The following FCHSD2 variants were observed in gnomAD, a reference collection of about 807,000 sequenced individuals.
FCHSD2 encodes FCH and double SH3 domains 2, also known as F-BAR and double SH3 domains protein 2.
Under a neutral mutation model 108.1 loss-of-function variants are expected in FCHSD2, and 38 were observed. The ratio of observed to expected loss-of-function variants is 0.35; its 90% CI spans 0.27 to 0.46. The LOEUF is 0.46. FCHSD2 is among the 20% of genes least tolerant of loss of function. The pLI is 1.00. For missense variants in FCHSD2, 751 were observed against 897.8 expected (o/e 0.84, Z 2.09); for synonymous variants, 279 against 314.7 (o/e 0.89, Z 1.20).
At chr11:72,886,700 T>C (rs1855206180) in intron 12 of FCHSD2, among the ~76,000 whole-genome samples, 1 of 152,182 alleles carries the variant, frequency 6.6e-6, no homozygotes, top group Admixed American at 6.5e-5. Flanking sequence ...GTTTACTTAC[T>C]TTCTACCACA....
At position 73,140,020 on chromosome 11, in the gene FCHSD2, T is replaced by C. The variant is rs1197809342; in HGVS notation, c.119+11A>G. 6 of 1,472,076 alleles carry C rather than the reference T, an allele frequency of 4.1e-6. No homozygotes were observed. The highest frequency in any genetic ancestry group is 3.7e-6 in the Non-Finnish European group (4 of 1,087,208). 91.2% of individuals were successfully genotyped at this position (1,472,076 alleles called of 1,614,324 possible). ...AAACAGAAGTCCTTGAACTATTTAC[T>C]ATAGCCTTACCTCATATCTTCAAGC... On this transcript the variant is annotated intron_variant, in intron 2 of 19. Coordinates refer to ENST00000409418, the MANE Select transcript of FCHSD2 (RefSeq NM_014824.3).
intron 2 of FCHSD2, among the ~76,000 whole-genome samples, chr11:73,087,068 G>T (rs890122344): frequency 1.3e-5 from 2 of 152,276 alleles, no homozygotes; most frequent in Middle Eastern, 6.8e-3. Context: ...TATCATAGGA[G>T]ATGACAGCTC....
intron 2 of FCHSD2, among the ~76,000 whole-genome samples, chr11:73,105,831 A>G (rs1203443596): frequency 6.6e-6 from 1 of 152,228 alleles, no homozygotes; most frequent in Non-Finnish European, 1.5e-5. Context: ...GGCAGAATTA[A>G]CCATAATATT....
intron 3 of FCHSD2, among the ~76,000 whole-genome samples, chr11:73,077,309 T>C (rs1859582103): frequency 6.6e-6 from 1 of 151,794 alleles, no homozygotes. Flanking sequence ...CACATGAAAA[T>C]GATGCTTAGC....
chr11:72,939,672 G>A (rs1856376785), intron 8 of FCHSD2, among the ~76,000 whole-genome samples: 1 of 131,342 alleles, frequency 7.6e-6, no homozygotes, highest in Admixed American at 9.1e-5. Flanking sequence ...AGGCTGGAGT[G>A]CAGTGGTACA....
intron 13 of FCHSD2, among the ~76,000 whole-genome samples, chr11:72,860,569 G>A (rs1161141554): frequency 2.0e-5 from 3 of 152,152 alleles, no homozygotes; most frequent in African/African-American, 7.2e-5. Flanking sequence ...TAGAGGCCAG[G>A]TGCAGTGGCT....
Position 72,887,551 on chromosome 11 carries a change from A to G in FCHSD2, c.1065T>C (p.His355=), listed in dbSNP as rs111394825. 1.3e-6 allele frequency: 2 copies of G among 1,591,570 alleles called. No individual in the cohort carries two copies. The highest frequency in any genetic ancestry group is 2.7e-5 in the African/African-American group (2 of 73,572). ...QQRVLNDLEC[H]GAAVSEQSRA... is the part of the protein sequence containing the mutation. ...GGCTTTGTTCTGATACAGCAGCTCC[A>G]TGACACTCCAGATCATTTAGAACCT... The change falls in exon 12 of 20, where the codon CAT becomes CAC. Residue 355 remains histidine (H), a synonymous_variant. Transcript: ENST00000409418.
At chr11:72,926,708 C>T (rs1175003597) in intron 8 of FCHSD2, among the ~76,000 whole-genome samples, 1 of 152,174 alleles carries the variant, frequency 6.6e-6, no homozygotes, top group African/African-American at 2.4e-5. Context: ...ACTTCCAGGA[C>T]ACAGGACAAG....
intron 3 of FCHSD2, among the ~76,000 whole-genome samples, chr11:73,067,383 G>T (rs1859321193): frequency 6.6e-6 from 1 of 152,020 alleles, no homozygotes; most frequent in South Asian, 2.1e-4. Context: ...TAACATAGGT[G>T]ACGGGTTGTT....
intron 3 of FCHSD2, among the ~76,000 whole-genome samples, chr11:73,020,781 A>G (rs1258665580): frequency 6.6e-6 from 1 of 152,006 alleles, no homozygotes; most frequent in Non-Finnish European, 1.5e-5. Flanking sequence ...TGTTCTATAT[A>G]TTAAAAACTA....
In FCHSD2 at chr11:73,140,142, T is replaced by C. The variant is rs1338477255; in HGVS notation, c.22-14A>G. 4 of 1,452,166 alleles carry C rather than the reference T, an allele frequency of 2.8e-6. No homozygotes were observed. The highest frequency in any genetic ancestry group is 3.7e-6 in the Non-Finnish European group (4 of 1,073,200). 90.0% of individuals were successfully genotyped at this position (1,452,166 alleles called of 1,614,324 possible). ...TGTAACTTTCACCTAAAATATACCA[T>C]ATATTTATGAAGGTCTTTTTACAAA... On this transcript the variant is annotated splice_polypyrimidine_tract_variant and intron_variant, in intron 1 of 19. Coordinates refer to ENST00000409418, the MANE Select transcript of FCHSD2 (RefSeq NM_014824.3).
intron 9 of FCHSD2, among the ~76,000 whole-genome samples, chr11:72,905,580 C>T (rs999891718): frequency 2.0e-5 from 3 of 152,224 alleles, no homozygotes; most frequent in Middle Eastern, 3.4e-3. Flanking sequence ...CAATGCTATC[C>T]TTCCCCTAGC....
intron 17 of FCHSD2, among the ~76,000 whole-genome samples, 156 bp from the exon 18 acceptor site, chr11:72,841,739 C>A (rs936732317): frequency 3.3e-5 from 5 of 152,158 alleles, no homozygotes; most frequent in Non-Finnish European, 5.9e-5. Flanking sequence ...ATTAAATAAC[C>A]ACCTCAAGCT....
intron 8 of FCHSD2, among the ~76,000 whole-genome samples, chr11:72,950,883 A>T (rs769601982): frequency 2.0e-5 from 3 of 152,126 alleles, no homozygotes; most frequent in Admixed American, 6.6e-5. Context: ...TAGCCTCCAT[A>T]CCTGCTGTGA....
chr11:72,896,975 C>T (rs1015720935), intron 10 of FCHSD2, among the ~76,000 whole-genome samples: 2 of 151,618 alleles, frequency 1.3e-5, no homozygotes, highest in South Asian at 2.1e-4. Context: ...TACAGGTGCC[C>T]GCCACCACGC....
chr11:73,139,269 C>G (rs189226497), intron 2 of FCHSD2, among the ~76,000 whole-genome samples: 2 of 152,310 alleles, frequency 1.3e-5, no homozygotes, highest in African/African-American at 4.8e-5. Flanking sequence ...GGCTTACAGA[C>G]CCAATTCCAA....
intron 8 of FCHSD2, among the ~76,000 whole-genome samples, chr11:72,975,417 G>A (rs968472655): frequency 3.0e-4 from 46 of 152,114 alleles, no homozygotes; most frequent in African/African-American, 1.0e-3. Context: ...CAGTCAGATA[G>A]AAGGAATACA....
At chr11:73,082,275 TGCAGTGAGCCGAG>T (rs1402861609) in intron 3 of FCHSD2, among the ~76,000 whole-genome samples, 1 of 128,224 alleles carries the variant, frequency 7.8e-6, no homozygotes, top group Admixed American at 1.0e-4. Flanking sequence ...AGGTGGAAGT[TGCAGTGAGCCGAG>T]ATCGCACCAC....
chr11:72,935,279 C>G (rs958616227), intron 8 of FCHSD2, among the ~76,000 whole-genome samples: 11 of 152,062 alleles, frequency 7.2e-5, no homozygotes, highest in African/African-American at 2.7e-4. Context: ...ATGTAATTTC[C>G]CCTAAAGTAA....
Sources: gnomAD v4.1 joint callset for allele counts (sites outside exome capture counted in the v4.1 genomes callset) on GRCh38, gnomAD v4.1.1 for gene constraint, MANE v1.5 for transcripts, NCBI Gene and HGNC (gene_info 2026-07-23, HGNC 2026-07-21) for gene names.